SPATA7: variants seen among roughly 807,000 people sequenced by gnomAD.
SPATA7 encodes spermatogenesis associated 7.
SPATA7 carries 43 observed loss-of-function variants against 51.8 expected under a neutral mutation model. The ratio of observed to expected loss-of-function variants is 0.83; its 90% CI spans 0.65 to 1.07. SPATA7 has a LOEUF of 1.07. Among genes scored for constraint, SPATA7 ranks in the 50% least tolerant of loss-of-function variants. The pLI, the probability that SPATA7 is intolerant of heterozygous loss-of-function variation, is 0.00. For missense variants in SPATA7, 683 were observed against 701.3 expected, an observed-to-expected ratio of 0.97 and a Z score of 0.30; for synonymous variants, 230 against 252.8, an observed-to-expected ratio of 0.91 and a Z score of 0.86.
chr14:88,440,968 C>G (rs1010446977), downstream of SPATA7, among the ~76,000 whole-genome samples: 19 of 151,956 alleles, frequency 1.3e-4, no homozygotes, highest in African/African-American at 4.4e-4. Context: ...GTCTTTTATC[C>G]CTCACTCCCC....
chr14:88,438,549 G>T, downstream of SPATA7: 1 of 807,118 alleles, frequency 1.2e-6, no homozygotes, highest in African/African-American at 1.7e-5. Context: ...GAAACCTAGC[G>T]GCCTAATGTG....
At chr14:88,425,925 A>C (rs1423938511) in intron 5 of SPATA7, among the ~76,000 whole-genome samples, 4 of 152,220 alleles carry the variant, frequency 2.6e-5, no homozygotes, top group Non-Finnish European at 2.9e-5. Context: ...AAGCTTTCAG[A>C]TAAAACTGAC....
intron 4 of SPATA7, chr14:88,415,973 A>G (rs970155945): frequency 2.6e-5 from 4 of 152,264 alleles, no homozygotes; most frequent in African/African-American, 4.8e-5. Flanking sequence ...TGGTTGTTTA[A>G]AAGTGTATGC....
intron 9 of SPATA7, among the ~76,000 whole-genome samples, chr14:88,431,895 T>C (rs1270623845): frequency 1.3e-5 from 2 of 152,184 alleles, no homozygotes; most frequent in Non-Finnish European, 2.9e-5. Context: ...GGGATATCAA[T>C]CGTATAATAC....
At chr14:88,444,227 A>T (rs902804910) in intron 3 of SPATA7, among the ~76,000 whole-genome samples, 10 of 152,094 alleles carry the variant, frequency 6.6e-5, no homozygotes, top group Admixed American at 2.0e-4. Context: ...CATATCTCTG[A>T]TGGCCAGTGA....
At chr14:88,454,526 T>A (rs1595316516) in intron 3 of SPATA7, among the ~76,000 whole-genome samples, 1 of 152,252 alleles carries the variant, frequency 6.6e-6, no homozygotes, top group East Asian at 1.9e-4. Context: ...CTAAATTAGC[T>A]GGCTGTGGTG....
rs568747008 is a variant in SPATA7, at chr14:88,427,263, T to C, written c.846-367T>C. ...TGCCTGGCACAAGATGAATGTTCAA[T>C]AAAAGTTTGCCAGATGACTAAAGAA... On this transcript the variant is annotated intron_variant, in intron 6 of 11. Transcript: ENST00000393545. Among the ~76,000 whole-genome samples the C allele has an allele frequency of 5.3e-5, 8 of 152,316 alleles. No homozygotes were observed. The South Asian group carries it at 1.4e-3, about 28-fold the overall frequency.
downstream of SPATA7, chr14:88,455,338 C>A (rs74072609): frequency 0.029 from 6,143 of 214,006 alleles, 370 homozygotes; most frequent in African/African-American, 0.13. Context: ...CTAAGGAAAC[C>A]TCTCTTGCCT....
intron 4 of SPATA7, among the ~76,000 whole-genome samples, chr14:88,404,417 GTATT>G (rs2076149297): frequency 6.6e-6 from 1 of 152,132 alleles, no homozygotes; most frequent in African/African-American, 2.4e-5. Context: ...GCCCTACTAA[GTATT>G]TAAAAGTATT....
intron 4 of SPATA7, among the ~76,000 whole-genome samples, chr14:88,400,013 C>G (rs1254372688): frequency 6.6e-6 from 1 of 152,148 alleles, no homozygotes; most frequent in East Asian, 1.9e-4. Context: ...CCTTTATACC[C>G]TATTGAAGAA....
At chr14:88,407,754 G>A (rs2076236164) in intron 4 of SPATA7, among the ~76,000 whole-genome samples, 1 of 152,172 alleles carries the variant, frequency 6.6e-6, no homozygotes. Flanking sequence ...TTACATTTAA[G>A]TCTTTAATCC....
intron 1 of SPATA7, chr14:88,386,119 T>G (rs2139847386): frequency 1.8e-6 from 2 of 1,137,408 alleles, no homozygotes; most frequent in East Asian, 2.8e-5. Flanking sequence ...AAAACCTCAG[T>G]AGCTCCCAGG....
chr14:88,396,233 T>C (rs1445657155), intron 4 of SPATA7, 30 bp downstream of exon 4: 10 of 1,554,124 alleles, frequency 6.4e-6, no homozygotes, highest in African/African-American at 1.4e-5. Flanking sequence ...TATTACCTTT[T>C]TAAAAAAAAA....
At chr14:88,440,238 G>T (rs2077169146), downstream of SPATA7, among the ~76,000 whole-genome samples, 1 of 152,102 alleles carries the variant, frequency 6.6e-6, no homozygotes, top group African/African-American at 2.4e-5. Context: ...TCTCCTGGCT[G>T]CTGTTCTCCA....
At chr14:88,431,310 A>G in intron 9 of SPATA7, 85 bp downstream of exon 9, 1 of 1,304,384 alleles carries the variant, frequency 7.7e-7, no homozygotes, top group Non-Finnish European at 1.1e-6. Context: ...GTCAGGATTG[A>G]ACAATAATCT....
chr14:88,419,167 A>G (rs1221113894), intron 5 of SPATA7, among the ~76,000 whole-genome samples: 1 of 152,112 alleles, frequency 6.6e-6, no homozygotes, highest in Non-Finnish European at 1.5e-5. Flanking sequence ...TTACATATTT[A>G]GCTATTTCTC....
intron 3 of SPATA7, among the ~76,000 whole-genome samples, chr14:88,452,715 C>A (rs941965639): frequency 2.0e-5 from 3 of 152,150 alleles, no homozygotes; most frequent in Non-Finnish European, 4.4e-5. Context: ...CTCCAGTATA[C>A]CCCCTGCTGC....
intron 3 of SPATA7, among the ~76,000 whole-genome samples, chr14:88,451,509 C>T (rs189482658): frequency 1.3e-5 from 2 of 150,770 alleles, no homozygotes; most frequent in Non-Finnish European, 2.9e-5. Flanking sequence ...GGAGATTTTT[C>T]CATTCATATC....
chr14:88,461,960 CTTG>C (rs1009722658), intron 4 of SPATA7, among the ~76,000 whole-genome samples: 46 of 152,216 alleles, frequency 3.0e-4, no homozygotes, highest in African/African-American at 1.0e-3. Context: ...TAGAAATAAA[CTTG>C]TTGTCTCTGG....
Sources: allele counts gnomAD v4.1 joint callset (sites outside exome capture counted in the v4.1 genomes callset), GRCh38; gene constraint gnomAD v4.1.1; transcripts MANE v1.5; gene names NCBI Gene and HGNC (gene_info 2026-07-23, HGNC 2026-07-21).